The following SLC9C1 variants were observed in gnomAD, a reference collection of about 807,000 sequenced individuals.
SLC9C1 encodes the protein solute carrier family 9 member C1.
In SLC9C1, 97 loss-of-function variants were observed where a neutral mutation model predicts 140.9. The observed-to-expected ratio is 0.69, with a 90% CI of 0.58 to 0.82. The LOEUF is 0.82. Among genes scored for constraint, SLC9C1 ranks in the 40% least tolerant of loss-of-function variants. The pLI, the probability that SLC9C1 is intolerant of heterozygous loss-of-function variation, is 0.00. For synonymous variants in SLC9C1, 440 were observed against 442.6 expected (o/e 0.99, Z 0.07); for missense variants, 1,340 against 1,389.3 (o/e 0.96, Z 0.56).
chr3:112,179,954 C>G (rs1288191029), intron 22 of SLC9C1, among the ~76,000 whole-genome samples: 1 of 152,184 alleles, frequency 6.6e-6, no homozygotes, highest in Admixed American at 6.5e-5. Flanking sequence ...ATGGCTAAAT[C>G]TCTAACTCAG....
chr3:112,250,896 C>T lies in SLC9C1; in HGVS notation c.1198-6820G>A, dbSNP rs146367235. On this transcript the variant is annotated intron_variant, in intron 10 of 28. Coordinates refer to ENST00000305815, the MANE Select transcript of SLC9C1 (RefSeq NM_183061.3). Reference sequence around the variant, plus strand: ...AGCAATCCCATTATTGGGTATTTATCTAAGAGAATATAAATTGTTCTACCA... The same window carrying T: ...AGCAATCCCATTATTGGGTATTTATTTAAGAGAATATAAATTGTTCTACCA... Among the ~76,000 whole-genome samples the T allele has an allele frequency of 2.3e-3, 346 of 152,228 alleles. 1 individual carries two copies. The highest frequency in any genetic ancestry group is 7.6e-3 in the African/African-American group (315 of 41,540).
intron 15 of SLC9C1, among the ~76,000 whole-genome samples, chr3:112,212,428 A>C (rs1406322041): frequency 5.3e-5 from 8 of 152,322 alleles, no homozygotes; most frequent in South Asian, 4.1e-4. Context: ...AGGAAGTTCG[A>C]ACCCATGGCA....
At chr3:112,250,655 G>A (rs1455254627) in intron 10 of SLC9C1, among the ~76,000 whole-genome samples, 4 of 152,042 alleles carry the variant, frequency 2.6e-5, no homozygotes, top group Admixed American at 6.6e-5. Flanking sequence ...TGTGAAAATC[G>A]CTATCACCAG....
At chr3:112,194,170 A>G (rs1159965558) in intron 20 of SLC9C1, among the ~76,000 whole-genome samples, 2 of 152,138 alleles carry the variant, frequency 1.3e-5, no homozygotes, top group African/African-American at 4.8e-5. Flanking sequence ...GCAGCTCCCC[A>G]AATAATGTTC....
intron 10 of SLC9C1, among the ~76,000 whole-genome samples, chr3:112,254,434 T>C (rs1476379819): frequency 1.3e-5 from 2 of 152,166 alleles, no homozygotes; most frequent in East Asian, 3.9e-4. Context: ...GGGCTTATAT[T>C]CAACATTCTT....
intron 12 of SLC9C1, among the ~76,000 whole-genome samples, chr3:112,236,158 G>T (rs1263199160): frequency 6.6e-6 from 1 of 152,138 alleles, no homozygotes; most frequent in Non-Finnish European, 1.5e-5. Flanking sequence ...CCTGTTATTG[G>T]TCTATTAAGA....
At position 112,280,786 on chromosome 3, in the gene SLC9C1, G is replaced by A. The variant is rs973275652; in HGVS notation, c.89-3C>T. 2 of 1,606,888 alleles carry A rather than the reference G, an allele frequency of 1.2e-6. No homozygotes were observed. Among genetic ancestry groups the A allele is most frequent in the Admixed American group, 1.7e-5 (1 of 58,014 alleles). On this transcript the variant is annotated splice_polypyrimidine_tract_variant and splice_region_variant and intron_variant, in intron 2 of 28. Transcript: ENST00000305815. ...TTCCAAGTGCCGGTTCAAAAATGCTGCAAAAAATATGTTGTTACTGAAAGG... is the reference window on the plus strand; with the variant it reads ...TTCCAAGTGCCGGTTCAAAAATGCTACAAAAAATATGTTGTTACTGAAAGG...
At chr3:112,182,081 G>A in intron 21 of SLC9C1, 52 bp downstream of exon 21, 2 of 1,225,120 alleles carry the variant, frequency 1.6e-6, no homozygotes, top group Non-Finnish European at 2.2e-6. Flanking sequence ...TTATTTTAAA[G>A]ATTATTTGTT....
intron 26 of SLC9C1, among the ~76,000 whole-genome samples, chr3:112,165,860 C>A (rs527540419): frequency 5.6e-4 from 86 of 152,308 alleles, no homozygotes; most frequent in African/African-American, 2.0e-3. Flanking sequence ...AATGTCCTGC[C>A]CCCAGAGGTG....
At chr3:112,278,962 A>G in intron 3 of SLC9C1, 105 bp from the exon 4 acceptor site, 1 of 1,143,994 alleles carries the variant, frequency 8.7e-7, no homozygotes, top group East Asian at 2.7e-5. Flanking sequence ...CAATTTTTAA[A>G]AGATATATCA....
chr3:112,208,049 T>C (rs774455748), intron 16 of SLC9C1, 129 bp downstream of exon 16: 8 of 657,952 alleles, frequency 1.2e-5, no homozygotes, highest in Admixed American at 6.3e-5. Flanking sequence ...AAATTAAAGT[T>C]TGGAGACGTG....
chr3:112,244,425 T>C (rs1291610516), intron 10 of SLC9C1, among the ~76,000 whole-genome samples: 2 of 152,198 alleles, frequency 1.3e-5, no homozygotes, highest in Non-Finnish European at 2.9e-5. Context: ...TCAATCCTTA[T>C]CCACTATACA....
At position 112,141,214 on chromosome 3, in the gene SLC9C1, C is replaced by G; in HGVS notation, c.*58G>C. 6.7e-7 allele frequency: 1 copy of G among 1,494,372 alleles called. No individual in the cohort carries two copies. Among genetic ancestry groups the G allele is most frequent in the East Asian group, 2.6e-5 (1 of 38,926 alleles). 92.6% of individuals were successfully genotyped at this position (1,494,372 alleles called of 1,614,324 possible). A position where few individuals can be genotyped will look rare whatever the true frequency, so the allele number is the denominator to read the frequency against. ...CTTGATGTAGGGAAGTGTGTTTCTG[C>G]AGCAGGAGGCCTCTCATAGCCACAG... On this transcript the variant is annotated 3_prime_UTR_variant, in exon 29 of 29. Transcript: ENST00000305815.
At chr3:112,150,531 A>T (rs1453131312) in intron 28 of SLC9C1, among the ~76,000 whole-genome samples, 1 of 151,866 alleles carries the variant, frequency 6.6e-6, no homozygotes, top group Admixed American at 6.6e-5. Flanking sequence ...TTCCAGTGGG[A>T]TTCCCATCTT....
Position 112,141,194 on chromosome 3 carries a change from T to A in SLC9C1, c.*78A>T. On this transcript the variant is annotated 3_prime_UTR_variant, in exon 29 of 29. Transcript: ENST00000305815. Reference sequence around the variant, plus strand: ...CCAACCTGAAGTTACTCCTTCTTGATGTAGGGAAGTGTGTTTCTGCAGCAG... The same window carrying A: ...CCAACCTGAAGTTACTCCTTCTTGAAGTAGGGAAGTGTGTTTCTGCAGCAG... 1 of 1,397,420 alleles carries A rather than the reference T, an allele frequency of 7.2e-7. No individual in the cohort carries two copies. Among genetic ancestry groups the A allele is most frequent in the Non-Finnish European group, 9.5e-7 (1 of 1,048,066 alleles). The allele number at this position is 1,397,420 out of a possible 1,614,324, so 86.6% of individuals were successfully genotyped here. A position where few individuals can be genotyped will look rare whatever the true frequency, so the allele number is the denominator to read the frequency against.
chr3:112,168,639 C>T (rs1391259655), intron 25 of SLC9C1, among the ~76,000 whole-genome samples: 1 of 152,122 alleles, frequency 6.6e-6, no homozygotes, highest in Non-Finnish European at 1.5e-5. Flanking sequence ...CCTTCATAGG[C>T]ATTGGATGGG....
chr3:112,189,052 C>T (rs894056438), intron 20 of SLC9C1, among the ~76,000 whole-genome samples: 2 of 151,588 alleles, frequency 1.3e-5, no homozygotes, highest in African/African-American at 4.8e-5. Context: ...TGTTCATATC[C>T]TTTGCCCACT....
At chr3:112,225,009 G>C (rs1178296009) in intron 13 of SLC9C1, among the ~76,000 whole-genome samples, 1 of 152,000 alleles carries the variant, frequency 6.6e-6, no homozygotes, top group African/African-American at 2.4e-5. Context: ...TTTTTGAAAA[G>C]ATATAGACAT....
In SLC9C1 at chr3:112,263,030, A is replaced by G. The variant is rs749814636; in HGVS notation, c.1091T>C (p.Ile364Thr). 1 of 1,607,654 alleles carries G rather than the reference A, an allele frequency of 6.2e-7. No individual in the cohort carries two copies. Among genetic ancestry groups the G allele is most frequent in the African/African-American group, 1.3e-5 (1 of 74,624 alleles). ...RVGHEFSWRW[I>T]FIMVCSEMKG... ...CATTTCACTACAGACCATTATGAAT[A>G]TCCAGCGCCAACTGAACTCATGACC... Residue 364 changes from isoleucine to threonine, a missense_variant, in exon 10 of 29, where the codon ATA becomes ACA. By Grantham distance (89) the Ile-to-Thr change is moderately conservative. Transcript: ENST00000305815.
Sources: gnomAD v4.1 joint callset for allele counts (sites outside exome capture counted in the v4.1 genomes callset) on GRCh38, gnomAD v4.1.1 for gene constraint, MANE v1.5 for transcripts, NCBI Gene and HGNC (gene_info 2026-07-23, HGNC 2026-07-21) for gene names.